The following FNDC3A variants were observed in gnomAD, a reference collection of about 807,000 sequenced individuals.
FNDC3A encodes fibronectin type-III domain-containing protein 3A.
A neutral mutation model predicts 148.9 loss-of-function variants in FNDC3A; 32 were observed. That is an observed-to-expected ratio of 0.21 (90% confidence interval 0.16 to 0.29). The LOEUF (loss-of-function observed/expected upper bound fraction) is 0.29. Among genes scored for constraint, FNDC3A ranks in the 10% least tolerant of loss-of-function variants. The pLI, the probability that FNDC3A is intolerant of heterozygous loss-of-function variation, is 1.00. For missense variants in FNDC3A, 1,191 were observed against 1,452.8 expected, an observed-to-expected ratio of 0.82 and a Z score of 2.93; for synonymous variants, 472 against 473.6, an observed-to-expected ratio of 1.00 and a Z score of 0.04.
rs1173097789 is a variant in FNDC3A, at chr13:49,131,382, A to G, written c.490+8A>G. On this transcript the variant is annotated splice_region_variant and intron_variant, in intron 5 of 25. Coordinates refer to ENST00000492622, the MANE Select transcript of FNDC3A (RefSeq NM_001079673.2). The stretch of plus-strand genomic sequence containing the variant: ...AAGTCTATGGAGATGTAGGTAAGAC[A>G]TCTAAAAGTATTCCACTGTTATTGA... 1 of 1,545,614 alleles carries G rather than the reference A, an allele frequency of 6.5e-7. No homozygotes were observed. The highest frequency in any genetic ancestry group is 1.4e-5 in the African/African-American group (1 of 73,514).
intron 3 of FNDC3A, among the ~76,000 whole-genome samples, chr13:49,088,242 C>T (rs1038787562): frequency 6.6e-6 from 1 of 152,000 alleles, no homozygotes; most frequent in African/African-American, 2.4e-5. Context: ...GTAAATGATC[C>T]CAGTAGATAG....
intron 2 of FNDC3A, among the ~76,000 whole-genome samples, 155 bp from the exon 3 acceptor site, chr13:49,075,134 C>CT (rs1878009086): frequency 2.0e-5 from 3 of 152,054 alleles, no homozygotes; most frequent in East Asian, 3.9e-4. Flanking sequence ...AGTGATGTCA[C>CT]ATTTTTTTTA....
At chr13:49,012,008 T>G (rs1233001359) in intron 2 of FNDC3A, among the ~76,000 whole-genome samples, 1 of 152,196 alleles carries the variant, frequency 6.6e-6, no homozygotes, top group East Asian at 1.9e-4. Context: ...CACTGTTTAT[T>G]GAAAAAACTG....
chr13:49,163,303 C>T (rs1038942873), intron 8 of FNDC3A, among the ~76,000 whole-genome samples: 14 of 152,324 alleles, frequency 9.2e-5, no homozygotes, highest in Non-Finnish European at 5.9e-5. Context: ...TTGAGCTTTC[C>T]GGCTGCTTTG....
intron 19 of FNDC3A, among the ~76,000 whole-genome samples, chr13:49,196,623 AC>A (rs539587913): frequency 1.7e-3 from 258 of 152,310 alleles, no homozygotes; most frequent in African/African-American, 6.1e-3. Context: ...TGCCCTTCTT[AC>A]AAAAACCATT....
chr13:49,004,220 A>G (rs1952179232), intron 1 of FNDC3A, among the ~76,000 whole-genome samples: 2 of 152,154 alleles, frequency 1.3e-5, no homozygotes, highest in South Asian at 4.1e-4. Context: ...AATTTATTGA[A>G]GGAAGAAGCT....
At chr13:49,181,602 A>T (rs1191693126) in intron 14 of FNDC3A, among the ~76,000 whole-genome samples, 5 of 152,158 alleles carry the variant, frequency 3.3e-5, no homozygotes, top group Non-Finnish European at 5.9e-5. Flanking sequence ...TGTGCAGGGA[A>T]CCCAGCTTGA....
At chr13:49,130,873 A>C (rs577149658) in intron 4 of FNDC3A, among the ~76,000 whole-genome samples, 1 of 152,130 alleles carries the variant, frequency 6.6e-6, no homozygotes, top group African/African-American at 2.4e-5. Flanking sequence ...GGTTCAAGCA[A>C]TTCTGCCTCA....
intron 13 of FNDC3A, among the ~76,000 whole-genome samples, chr13:49,177,352 T>G (rs1425379276): frequency 6.6e-6 from 1 of 152,198 alleles, no homozygotes; most frequent in Non-Finnish European, 1.5e-5. Flanking sequence ...TTTTAAAAGT[T>G]TCCTGTGAAA....
chr13:49,001,376 A>T (rs1354250174), intron 1 of FNDC3A, among the ~76,000 whole-genome samples: 1 of 152,176 alleles, frequency 6.6e-6, no homozygotes, highest in Non-Finnish European at 1.5e-5. Flanking sequence ...TTAACTGCAC[A>T]AATTGTTTGT....
At chr13:49,203,374 C>G in intron 25 of FNDC3A, 90 bp downstream of exon 25, 1 of 879,524 alleles carries the variant, frequency 1.1e-6, no homozygotes, top group Non-Finnish European at 1.8e-6. Flanking sequence ...CCATCTTTAC[C>G]TTTTAATTCA....
chr13:49,118,852 C>T (rs1339607781), intron 4 of FNDC3A, among the ~76,000 whole-genome samples: 1 of 152,236 alleles, frequency 6.6e-6, no homozygotes, highest in Non-Finnish European at 1.5e-5. Flanking sequence ...GCTCCAGCCC[C>T]AGTCAGGGGC....
Position 49,179,086 on chromosome 13 carries a change from A to T in FNDC3A, c.1617+432A>T, listed in dbSNP as rs533058325. Among the ~76,000 whole-genome samples the T allele has an allele frequency of 4.9e-4, 75 of 152,322 alleles. 2 individuals carry two copies. In the South Asian group the frequency reaches 0.015, roughly 31 times the overall value. Reference sequence around the variant, plus strand: ...TCACTCCTTTGGTTTTAGATCTTAAATAATGTTGACCTTTTCTAGTGAGCT... The same window carrying T: ...TCACTCCTTTGGTTTTAGATCTTAATTAATGTTGACCTTTTCTAGTGAGCT... On this transcript the variant is annotated intron_variant, in intron 14 of 25. Transcript: ENST00000492622.
In FNDC3A at chr13:48,978,155, ATTTAT is replaced by A. The variant is rs796692226; in HGVS notation, c.-40+1983_-40+1987del. ...TATCTGTGTGAGTAATTGAGACCTG[ATTTAT>A]TTTAACACACATGTAATGATTACTC... is the stretch of plus-strand genomic sequence containing the variant. On this transcript the variant is annotated intron_variant, in intron 1 of 25. Transcript: ENST00000492622. Among the ~76,000 whole-genome samples the A allele has an allele frequency of 9.5e-4, 144 of 152,158 alleles. 1 individual carries two copies. Among genetic ancestry groups the A allele is most frequent in the African/African-American group, 3.3e-3 (139 of 41,524 alleles).
At chr13:49,027,847 A>C (rs1873833988) in intron 2 of FNDC3A, among the ~76,000 whole-genome samples, 2 of 152,196 alleles carry the variant, frequency 1.3e-5, no homozygotes, top group African/African-American at 2.4e-5. Flanking sequence ...TGATAAGGCA[A>C]ATCCTACCTT....
intron 3 of FNDC3A, chr13:49,110,328 A>G (rs978391220): frequency 1.9e-6 from 3 of 1,570,064 alleles, no homozygotes; most frequent in African/African-American, 2.8e-5. Flanking sequence ...TTCTCCAATT[A>G]AAGCTGTTAA....
chr13:49,065,073 A>T (rs914091544), intron 2 of FNDC3A, among the ~76,000 whole-genome samples: 1 of 152,180 alleles, frequency 6.6e-6, no homozygotes, highest in Admixed American at 6.5e-5. Flanking sequence ...ATCAGCAAAC[A>T]TTTATTTGCT....
chr13:49,105,437 A>C (rs1880114448), intron 3 of FNDC3A, among the ~76,000 whole-genome samples: 1 of 152,184 alleles, frequency 6.6e-6, no homozygotes, highest in Non-Finnish European at 1.5e-5. Context: ...ATAGCATTAG[A>C]TTGTCTTCTC....
intron 2 of FNDC3A, among the ~76,000 whole-genome samples, chr13:49,035,818 T>C (rs901899589): frequency 2.0e-5 from 3 of 152,134 alleles, no homozygotes; most frequent in African/African-American, 4.8e-5. Flanking sequence ...GTTGTTTGTC[T>C]ATATGCTGGT....
Sources: gnomAD v4.1 joint callset for allele counts (sites outside exome capture counted in the v4.1 genomes callset) on GRCh38, gnomAD v4.1.1 for gene constraint, MANE v1.5 for transcripts, NCBI Gene and HGNC (gene_info 2026-07-23, HGNC 2026-07-21) for gene names.